The following TFEC variants were observed in gnomAD, a reference collection of about 807,000 sequenced individuals.
TFEC encodes transcription factor EC.
A neutral mutation model predicts 41.6 loss-of-function variants in TFEC; 31 were observed. The ratio of observed to expected loss-of-function variants is 0.74; its 90% CI spans 0.56 to 1.01. TFEC has a LOEUF of 1.01. TFEC is among the 50% of genes least tolerant of loss of function. TFEC has a pLI of 0.00. For missense variants in TFEC, 402 were observed against 404.1 expected, an observed-to-expected ratio of 0.99 and a Z score of 0.04; for synonymous variants, 143 against 140.6, an observed-to-expected ratio of 1.02 and a Z score of -0.12.
chr7:116,106,736 CA>C lies in TFEC; in HGVS notation c.198+3971del, dbSNP rs371653061. Among the ~76,000 whole-genome samples the C allele has an allele frequency of 2.2e-4, 34 of 151,868 alleles. 1 individual carries two copies. The highest frequency in any genetic ancestry group is 7.7e-4 in the African/African-American group (32 of 41,414). The stretch of plus-strand genomic sequence containing the variant: ...AGTACCTTCATAAAGTCACTGCAGA[CA>C]AAAAAAATCTCAGCTTTTTGAGGCA... On this transcript the variant is annotated intron_variant, in intron 3 of 8. Transcript: ENST00000484212.
Position 115,940,946 on chromosome 7 carries a change from G to T in TFEC, c.664-15C>A. On this transcript the variant is annotated splice_polypyrimidine_tract_variant and intron_variant, in intron 7 of 7. Transcript: ENST00000265440. ...ATTTCTAGTTCCTGTAATTTCAAAC[G>T]AAAATCATTAAATAATGTCTTTGAA... 1 of 1,546,328 alleles carries T rather than the reference G, an allele frequency of 6.5e-7. No individual in the cohort carries two copies. The highest frequency in any genetic ancestry group is 8.7e-7 in the Non-Finnish European group (1 of 1,144,684).
At chr7:116,069,820 T>A (rs1261302205) in intron 3 of TFEC, among the ~76,000 whole-genome samples, 3 of 151,636 alleles carry the variant, frequency 2.0e-5, no homozygotes, top group East Asian at 3.9e-4. Context: ...TACTGATTAA[T>A]TTTTAAATAC....
Position 115,984,480 on chromosome 7 carries a change from G to C in TFEC, c.-39C>G. Reference sequence around the variant, plus strand: ...TTCTGTCTCTGGGCTTTCTGTAGCTGAGGCCTTGCAGAACTTTCCAGGTGT... The same window carrying C: ...TTCTGTCTCTGGGCTTTCTGTAGCTCAGGCCTTGCAGAACTTTCCAGGTGT... On this transcript the variant is annotated 5_prime_UTR_variant, in exon 2 of 8. Transcript: ENST00000265440. 1.9e-6 allele frequency: 3 copies of C among 1,614,030 alleles called. No homozygotes were observed. Among genetic ancestry groups the C allele is most frequent in the Non-Finnish European group, 2.5e-6 (3 of 1,179,976 alleles).
chr7:116,107,091 C>T (rs1432295063), intron 3 of TFEC, among the ~76,000 whole-genome samples: 1 of 152,072 alleles, frequency 6.6e-6, no homozygotes, highest in East Asian at 1.9e-4. Context: ...CCTACAGATG[C>T]GATTTAAGAG....
At chr7:116,076,561 T>G (rs1796964977) in intron 3 of TFEC, among the ~76,000 whole-genome samples, 1 of 151,758 alleles carries the variant, frequency 6.6e-6, no homozygotes, top group Admixed American at 6.6e-5. Context: ...TTCAGTGAAA[T>G]AAATAGCATA....
chr7:115,971,313 T>C (rs1793122718), intron 3 of TFEC, among the ~76,000 whole-genome samples: 1 of 151,954 alleles, frequency 6.6e-6, no homozygotes, highest in Admixed American at 6.6e-5. Flanking sequence ...ATGTTTCCAT[T>C]AGGATGCATT....
At chr7:116,018,125 TG>T (rs1795262974) in intron 1 of TFEC, among the ~76,000 whole-genome samples, 1 of 152,222 alleles carries the variant, frequency 6.6e-6, no homozygotes, top group Admixed American at 6.5e-5. Flanking sequence ...ATGTTTTACA[TG>T]TATTAATCTT....
At chr7:116,158,002 T>C (rs981950728) in intron 1 of TFEC, among the ~76,000 whole-genome samples, 1 of 152,182 alleles carries the variant, frequency 6.6e-6, no homozygotes, top group Non-Finnish European at 1.5e-5. Context: ...ACAATATTTC[T>C]TTTAATATTT....
At chr7:116,010,637 A>C (rs1202191523) in intron 1 of TFEC, among the ~76,000 whole-genome samples, 1 of 152,214 alleles carries the variant, frequency 6.6e-6, no homozygotes, top group African/African-American at 2.4e-5. Context: ...GTGACAGGTG[A>C]GATGGACATT....
At chr7:116,092,497 T>C (rs1797351835) in intron 3 of TFEC, among the ~76,000 whole-genome samples, 1 of 152,192 alleles carries the variant, frequency 6.6e-6, no homozygotes, top group Non-Finnish European at 1.5e-5. Flanking sequence ...GATATTTTAG[T>C]ATTTTACATT....
chr7:116,136,775 A>G (rs964645889), intron 1 of TFEC, among the ~76,000 whole-genome samples: 2 of 152,024 alleles, frequency 1.3e-5, no homozygotes, highest in Admixed American at 1.3e-4. Flanking sequence ...AAATGAAATA[A>G]GAGAAAGGTG....
intron 3 of TFEC, among the ~76,000 whole-genome samples, chr7:116,093,900 T>C (rs558214055): frequency 6.6e-6 from 1 of 152,340 alleles, no homozygotes; most frequent in African/African-American, 2.4e-5. Context: ...TCCTGAGATA[T>C]AAACTTTTTA....
chr7:115,991,916 A>G (rs1344052677), intron 1 of TFEC, among the ~76,000 whole-genome samples: 1 of 152,210 alleles, frequency 6.6e-6, no homozygotes, highest in Non-Finnish European at 1.5e-5. Flanking sequence ...TCTTCTCAGC[A>G]CCACATTGCC....
intron 3 of TFEC, among the ~76,000 whole-genome samples, chr7:116,102,507 T>C (rs1262442283): frequency 6.6e-6 from 1 of 152,146 alleles, no homozygotes; most frequent in African/African-American, 2.4e-5. Flanking sequence ...CAAATAATGA[T>C]GACCTTGATT....
chr7:116,049,352 T>C (rs1334284812), intron 3 of TFEC, among the ~76,000 whole-genome samples: 1 of 152,064 alleles, frequency 6.6e-6, no homozygotes, highest in Non-Finnish European at 1.5e-5. Context: ...AAAACAGACT[T>C]TAAACCAACA....
rs1793267817 is a variant in TFEC at position 115,974,263 on chromosome 7, AAATAT to A, written c.181-12_181-8del. 6.3e-7 allele frequency: 1 copy of A among 1,581,792 alleles called. No individual in the cohort carries two copies. Among genetic ancestry groups the A allele is most frequent in the Middle Eastern group, 1.7e-4 (1 of 5,966 alleles). On this transcript the variant is annotated splice_region_variant and splice_polypyrimidine_tract_variant and intron_variant, in intron 2 of 7. Transcript: ENST00000265440. ...CCTCAATAACGTCCTCCATCTAGCA[AAATAT>A]AATACATTTAGAATATTGTACATAA...
At chr7:115,957,443 G>A (rs1792296251) in intron 3 of TFEC, among the ~76,000 whole-genome samples, 1 of 151,792 alleles carries the variant, frequency 6.6e-6, no homozygotes, top group South Asian at 2.1e-4. Flanking sequence ...TAGCAACACT[G>A]CAATTCTTGA....
chr7:116,028,995 G>A (rs1306087619), intron 1 of TFEC, among the ~76,000 whole-genome samples: 4 of 151,970 alleles, frequency 2.6e-5, no homozygotes, highest in African/African-American at 7.3e-5. Flanking sequence ...TAAATGTCTT[G>A]TAATTATTTT....
intron 3 of TFEC, among the ~76,000 whole-genome samples, chr7:116,055,661 A>G (rs1342328512): frequency 1.3e-5 from 2 of 152,018 alleles, no homozygotes; most frequent in Non-Finnish European, 2.9e-5. Context: ...TCATAAAATG[A>G]TATTTCAAAG....
Sources: allele counts gnomAD v4.1 joint callset (sites outside exome capture counted in the v4.1 genomes callset), GRCh38; gene constraint gnomAD v4.1.1; transcripts MANE v1.5; gene names NCBI Gene and HGNC (gene_info 2026-07-23, HGNC 2026-07-21).